STXBP5L: variants seen among roughly 807,000 people sequenced by gnomAD.
STXBP5L encodes the protein syntaxin-binding protein 5-like.
Under a neutral mutation model 144.5 loss-of-function variants are expected in STXBP5L, and 65 were observed. The observed-to-expected ratio is 0.45, with a 90% CI of 0.37 to 0.55. STXBP5L has a LOEUF of 0.55. STXBP5L is among the 20% of genes least tolerant of loss of function. STXBP5L has a pLI of 0.00. For missense variants in STXBP5L, 1,298 were observed against 1,405.5 expected (o/e 0.92, Z 1.22); for synonymous variants, 505 against 469.6 (o/e 1.08, Z -0.97).
chr3:121,347,858 T>C (rs576036109), intron 20 of STXBP5L, among the ~76,000 whole-genome samples: 12 of 152,056 alleles, frequency 7.9e-5, no homozygotes, highest in Middle Eastern at 3.2e-3. Flanking sequence ...AGATTTTGGG[T>C]TGAGACGATG....
At chr3:121,369,352 T>A (rs1560028591) in intron 20 of STXBP5L, among the ~76,000 whole-genome samples, 1 of 151,898 alleles carries the variant, frequency 6.6e-6, no homozygotes, top group African/African-American at 2.4e-5. Flanking sequence ...TTTTTTTTTT[T>A]TAATGGTTTC....
At chr3:121,073,446 G>T (rs2041890707) in intron 5 of STXBP5L, among the ~76,000 whole-genome samples, 1 of 152,200 alleles carries the variant, frequency 6.6e-6, no homozygotes, top group African/African-American at 2.4e-5. Flanking sequence ...TCCACTAACA[G>T]GGCAGTGGCT....
intron 20 of STXBP5L, among the ~76,000 whole-genome samples, chr3:121,349,866 TG>T (rs2045195151): frequency 6.6e-6 from 1 of 152,130 alleles, no homozygotes; most frequent in South Asian, 2.1e-4. Flanking sequence ...GCATGTGAGA[TG>T]GGTTTCCTGA....
chr3:121,394,667 C>G (rs9860047), intron 22 of STXBP5L, among the ~76,000 whole-genome samples: 18 of 141,196 alleles, frequency 1.3e-4, no homozygotes, highest in Non-Finnish European at 2.1e-4. Flanking sequence ...TGCAGTGGCA[C>G]GATCTCAGCT....
At chr3:121,097,516 G>T (rs2043189420) in intron 5 of STXBP5L, among the ~76,000 whole-genome samples, 1 of 152,166 alleles carries the variant, frequency 6.6e-6, no homozygotes, top group Non-Finnish European at 1.5e-5. Flanking sequence ...GGGCTGGAGT[G>T]TGCACCCTTC....
rs978757864 is a variant in STXBP5L, at chr3:120,935,488, G to A, written c.190-19452G>A. Among the ~76,000 whole-genome samples, 4 of 151,340 alleles carry A rather than the reference G, an allele frequency of 2.6e-5. No individual in the cohort carries two copies. The East Asian group carries it at 5.8e-4, about 22-fold the overall frequency. The stretch of plus-strand genomic sequence containing the variant: ...TCTTTCTTTCTTTGTATAGATCTAC[G>A]TTTCTGACCCATATCATTTTCCTTC... On this transcript the variant is annotated intron_variant, in intron 2 of 26. Coordinates refer to ENST00000471454, the MANE Select transcript of STXBP5L (RefSeq NM_001308330.2).
At chr3:121,239,566 G>T (rs892384607) in intron 13 of STXBP5L, among the ~76,000 whole-genome samples, 5 of 151,318 alleles carry the variant, frequency 3.3e-5, no homozygotes, top group African/African-American at 1.2e-4. Context: ...TAGGGACATG[G>T]ATGAAATTGG....
intron 19 of STXBP5L, among the ~76,000 whole-genome samples, chr3:121,294,798 CA>C (rs920240654): frequency 6.6e-6 from 1 of 151,966 alleles, no homozygotes; most frequent in Non-Finnish European, 1.5e-5. Flanking sequence ...CAAAACAAAA[CA>C]AAAAACCTGG....
intron 9 of STXBP5L, chr3:121,158,777 C>G (rs931625024): frequency 6.6e-6 from 1 of 152,132 alleles, no homozygotes; most frequent in Non-Finnish European, 1.5e-5. Flanking sequence ...ATAATATGAG[C>G]TAGTCATAAA....
At chr3:121,054,776 C>G (rs938160048) in intron 5 of STXBP5L, among the ~76,000 whole-genome samples, 3 of 130,444 alleles carry the variant, frequency 2.3e-5, no homozygotes, top group African/African-American at 9.2e-5. Flanking sequence ...TTTACTGTTT[C>G]TTTTTCTTTA....
chr3:121,002,322 A>G (rs1576624784), intron 3 of STXBP5L, among the ~76,000 whole-genome samples: 1 of 152,158 alleles, frequency 6.6e-6, no homozygotes, highest in African/African-American at 2.4e-5. Context: ...GCGCATTTTC[A>G]TATATCTATT....
chr3:120,908,858 ATGAGGGGGAGG>A (rs1427910099), intron 1 of STXBP5L, among the ~76,000 whole-genome samples: 1 of 69,518 alleles, frequency 1.4e-5, no homozygotes, highest in Admixed American at 1.7e-4. Context: ...GGGGAGGGAG[ATGAGGGGGAGG>A]TGAGGGGGAG....
intron 22 of STXBP5L, among the ~76,000 whole-genome samples, chr3:121,395,490 G>A (rs185034769): frequency 2.9e-4 from 44 of 152,014 alleles, no homozygotes; most frequent in Admixed American, 3.3e-4. Context: ...AAATATTCTT[G>A]CATTTTTTTC....
At chr3:121,376,276 C>G (rs1053220310) in intron 20 of STXBP5L, among the ~76,000 whole-genome samples, 3 of 152,176 alleles carry the variant, frequency 2.0e-5, no homozygotes, top group African/African-American at 7.2e-5. Flanking sequence ...TCCAGGCAGT[C>G]TAGCCTGGCC....
chr3:120,933,515 A>G (rs1710078095), intron 2 of STXBP5L, among the ~76,000 whole-genome samples: 1 of 152,144 alleles, frequency 6.6e-6, no homozygotes, highest in Admixed American at 6.6e-5. Flanking sequence ...TATCTTTAAC[A>G]AATATATATT....
chr3:121,414,488 C>A (rs1018199275), intron 24 of STXBP5L, among the ~76,000 whole-genome samples: 3 of 152,192 alleles, frequency 2.0e-5, no homozygotes, highest in Non-Finnish European at 2.9e-5. Flanking sequence ...CCAATTCTAA[C>A]CCACTGGATA....
At chr3:121,057,502 C>T (rs1325030174) in intron 5 of STXBP5L, among the ~76,000 whole-genome samples, 3 of 151,904 alleles carry the variant, frequency 2.0e-5, no homozygotes, top group Non-Finnish European at 2.9e-5. Context: ...AGTCACTTAC[C>T]CCCAGGTATC....
At chr3:121,209,436 T>C (rs2048468235) in intron 10 of STXBP5L, among the ~76,000 whole-genome samples, 1 of 152,066 alleles carries the variant, frequency 6.6e-6, no homozygotes, top group South Asian at 2.1e-4. Flanking sequence ...TTTTTTATTT[T>C]TATTTTATTA....
chr3:121,158,811 C>T (rs959407150), intron 9 of STXBP5L: 1 of 152,118 alleles, frequency 6.6e-6, no homozygotes, highest in Non-Finnish European at 1.5e-5. Context: ...TCCTTATGTT[C>T]TTCTCAAATA....
Sources: allele counts gnomAD v4.1 joint callset (sites outside exome capture counted in the v4.1 genomes callset), GRCh38; gene constraint gnomAD v4.1.1; transcripts MANE v1.5; gene names NCBI Gene and HGNC (gene_info 2026-07-23, HGNC 2026-07-21).